Variants in PPP2R3B observed in about 807,000 individuals in gnomAD.
PPP2R3B encodes the protein protein phosphatase 2 regulatory subunit B''beta.
A neutral mutation model predicts 72.9 loss-of-function variants in PPP2R3B; 68 were observed. The observed-to-expected ratio is 0.93, with a 90% CI of 0.77 to 1.14. The LOEUF is 1.14. Ranked by LOEUF, PPP2R3B falls within the 50% of genes most tolerant of loss-of-function variation. PPP2R3B has a pLI of 0.00. For synonymous variants in PPP2R3B, 466 were observed against 375.8 expected (o/e 1.24, Z -2.78); for missense variants, 1,018 against 842.0 (o/e 1.21, Z -2.59).
Position 338,899 on chromosome X carries a change from G to A in PPP2R3B, c.1352-3C>T. ...CAGGTCCTGCAGCGTGATCTTCCCTGCGGGGAGGGGAGTGCGTCCAAGGCG... is the reference window on the plus strand; with the variant it reads ...CAGGTCCTGCAGCGTGATCTTCCCTACGGGGAGGGGAGTGCGTCCAAGGCG... On this transcript the variant is annotated splice_polypyrimidine_tract_variant and splice_region_variant and intron_variant, in intron 10 of 12. Transcript: ENST00000390665. 6.2e-7 allele frequency: 1 copy of A among 1,611,746 alleles called. No individual in the cohort carries two copies.
intron 7 of PPP2R3B, among the ~76,000 whole-genome samples, chrX:344,467 C>G (rs1265673598): frequency 6.6e-6 from 1 of 152,374 alleles, no homozygotes; most frequent in East Asian, 1.9e-4. Flanking sequence ...CCCCCCGCTT[C>G]AGGCCGCAGT....
intron 1 of PPP2R3B, among the ~76,000 whole-genome samples, chrX:364,512 AAAAAAAAAC>A (rs1357788151): frequency 1.8e-5 from 2 of 109,022 alleles, no homozygotes; most frequent in African/African-American, 4.1e-5. Context: ...CTACTAAAAA[AAAAAAAAAC>A]AAAAAAAAAA....
chrX:352,446 G>A (rs991626826), intron 2 of PPP2R3B, among the ~76,000 whole-genome samples: 2 of 150,776 alleles, frequency 1.3e-5, no homozygotes, highest in Non-Finnish European at 3.0e-5. Flanking sequence ...CACGGCAACG[G>A]GACCCGGCCA....
Position 357,450 on chromosome X carries a change from G to T in PPP2R3B, c.510+3955C>A, listed in dbSNP as rs749837272. Among the ~76,000 whole-genome samples, 7 of 152,236 alleles carry T rather than the reference G, an allele frequency of 4.6e-5. No individual in the cohort carries two copies. The South Asian group carries it at 1.5e-3, about 32-fold the overall frequency. On this transcript the variant is annotated intron_variant, in intron 2 of 12. Coordinates refer to ENST00000390665, the MANE Select transcript of PPP2R3B (RefSeq NM_013239.5). ...TGACCATAGATATTCATGAGAGAAAGAACTGAAATAATCTGTAACACTGAC... is the reference window on the plus strand; with the variant it reads ...TGACCATAGATATTCATGAGAGAAATAACTGAAATAATCTGTAACACTGAC...
At chrX:384,982 C>CAAAAA (rs773590401) in intron 1 of PPP2R3B, among the ~76,000 whole-genome samples, 5 of 63,074 alleles carry the variant, frequency 7.9e-5, no homozygotes, top group Admixed American at 2.1e-4. Flanking sequence ...GAATCTGTCT[C>CAAAAA]AAAAAAAAAA....
intron 9 of PPP2R3B, 135 bp from the exon 10 acceptor site, chrX:341,075 C>A: frequency 1.6e-6 from 2 of 1,286,824 alleles, no homozygotes; most frequent in Non-Finnish European, 2.1e-6. Context: ...GTGCAGGCAT[C>A]CCCTGCCCCC....
intron 1 of PPP2R3B, among the ~76,000 whole-genome samples, chrX:372,013 T>C (rs1319126119): frequency 6.6e-6 from 1 of 152,150 alleles, no homozygotes; most frequent in African/African-American, 2.4e-5. Context: ...AGGTGCATCG[T>C]CACCACAGCC....
rs180837724 is a variant in PPP2R3B at position 344,612 on chromosome X, C to T, written c.1036+904G>A. ...GGACAGTGAGCGCCTGGTTCTGGGC[C>T]GATTCCCAGCTGTGCAGGTGCTGGC... is the stretch of plus-strand genomic sequence containing the variant. On this transcript the variant is annotated intron_variant, in intron 7 of 12. Transcript: ENST00000390665. Among the ~76,000 whole-genome samples the T allele has an allele frequency of 3.1e-3, 472 of 152,346 alleles. 3 individuals carry two copies. The highest frequency in any genetic ancestry group is 0.024 in the Middle Eastern group (7 of 294).
chrX:339,164 C>T (rs772885521), intron 10 of PPP2R3B, among the ~76,000 whole-genome samples: 9 of 151,326 alleles, frequency 5.9e-5, no homozygotes, highest in African/African-American at 1.7e-4. Flanking sequence ...GGAGGCGCGG[C>T]CAGCAGGGGC....
intron 1 of PPP2R3B, among the ~76,000 whole-genome samples, chrX:370,606 G>C (rs770714018): frequency 6.6e-6 from 1 of 152,180 alleles, no homozygotes; most frequent in African/African-American, 2.4e-5. Flanking sequence ...GTTCCCACCC[G>C]GGCTTCTGTT....
chrX:348,255 T>C (rs1378237564), intron 2 of PPP2R3B, among the ~76,000 whole-genome samples: 1 of 149,550 alleles, frequency 6.7e-6, no homozygotes, highest in Non-Finnish European at 1.5e-5. Flanking sequence ...CAAAACTCGA[T>C]GATTTGAAAG....
In PPP2R3B at chrX:341,775, ACC is replaced by A; in HGVS notation, c.1085+106_1085+107del. ...CCCCTCGCCAGGGCCTGGGGTGACA[ACC>A]ACTCGCTGTCGGGGCACAAAAAGCT... On this transcript the variant is annotated intron_variant, in intron 8 of 12. Coordinates refer to ENST00000390665, the MANE Select transcript of PPP2R3B (RefSeq NM_013239.5). The A allele has an allele frequency of 5.7e-6, 7 of 1,224,420 alleles. No individual in the cohort carries two copies. In the Admixed American group the frequency reaches 1.0e-4, roughly 18 times the overall value. 75.8% of individuals were successfully genotyped at this position (1,224,420 alleles called of 1,614,324 possible).
intron 2 of PPP2R3B, among the ~76,000 whole-genome samples, chrX:348,793 A>G (rs2071274372): frequency 6.6e-6 from 1 of 152,170 alleles, no homozygotes; most frequent in African/African-American, 2.4e-5. Flanking sequence ...TCCCACCAAG[A>G]AAATTCCAGC....
intron 9 of PPP2R3B, 126 bp from the exon 10 acceptor site, chrX:341,066 T>A: frequency 1.5e-6 from 2 of 1,345,430 alleles, no homozygotes; most frequent in Non-Finnish European, 2.0e-6. Flanking sequence ...CCACCGGGCG[T>A]GCAGGCATCC....
intron 1 of PPP2R3B, among the ~76,000 whole-genome samples, chrX:366,853 ACT>A (rs1409070083): frequency 2.1e-5 from 3 of 143,110 alleles, no homozygotes; most frequent in African/African-American, 8.1e-5. Context: ...ACAGAGTGAG[ACT>A]CTGTCTCAAA....
Position 346,089 on chromosome X carries a change from G to A in PPP2R3B, c.879+85C>T, listed in dbSNP as rs2071202575. ...GGAGAGGGGGTGGGAGGGGAGGAGG[G>A]AGGGGGGAGGAGGGAAGGGAAGGGA... On this transcript the variant is annotated intron_variant, in intron 6 of 12. Transcript: ENST00000390665. The A allele has an allele frequency of 3.8e-5, 24 of 631,216 alleles. 1 individual carries two copies. The highest frequency in any genetic ancestry group is 3.3e-4 in the South Asian group (19 of 58,056). 39.1% of individuals were successfully genotyped at this position (631,216 alleles called of 1,614,324 possible). A position where few individuals can be genotyped will look rare whatever the true frequency, so the allele number is the denominator to read the frequency against.
Position 340,946 on chromosome X carries a change from G to T in PPP2R3B, c.1176-6C>A. ...AGCGGAACCAGTACTCGATGCTGCGGCACGGCGAGCTCTGTCAGCCCCTGC... is the reference window on the plus strand; with the variant it reads ...AGCGGAACCAGTACTCGATGCTGCGTCACGGCGAGCTCTGTCAGCCCCTGC... On this transcript the variant is annotated splice_region_variant and splice_polypyrimidine_tract_variant and intron_variant, in intron 9 of 12. Transcript: ENST00000390665. 6.2e-7 allele frequency: 1 copy of T among 1,608,856 alleles called. No homozygotes were observed.
intron 7 of PPP2R3B, among the ~76,000 whole-genome samples, chrX:343,850 CCAAGGAGACGCGGGAGTGAGACCTCAG>C (rs2071130459): frequency 3.0e-5 from 1 of 33,320 alleles, no homozygotes; most frequent in Non-Finnish European, 6.0e-5. Context: ...GGAGACCTCA[CCAAGGAGACGCGGGAGTGAGACCTCAG>C]CAACGGGAGG....
chrX:353,852 G>A (rs1280994563), intron 2 of PPP2R3B, among the ~76,000 whole-genome samples: 3 of 131,354 alleles, frequency 2.3e-5, no homozygotes, highest in African/African-American at 5.8e-5. Flanking sequence ...CTCGCCCAGG[G>A]ACCGGGGGCT....
Sources: gnomAD v4.1 joint callset for allele counts (sites outside exome capture counted in the v4.1 genomes callset) on GRCh38, gnomAD v4.1.1 for gene constraint, MANE v1.5 for transcripts, NCBI Gene and HGNC (gene_info 2026-07-23, HGNC 2026-07-21) for gene names.